The following ORC6 variants were observed in gnomAD, a reference collection of about 807,000 sequenced individuals.
The protein encoded by ORC6 is origin recognition complex, subunit 6 homolog-like (yeast).
Under a neutral mutation model 30.0 loss-of-function variants are expected in ORC6, and 31 were observed. That is an observed-to-expected ratio of 1.03 (90% CI 0.78 to 1.40). The LOEUF (loss-of-function observed/expected upper bound fraction) is 1.40. ORC6 is among the 40% of genes most tolerant of loss of function. The probability of loss-of-function intolerance (pLI) is 0.00; values close to 1 mark genes in which losing one functional copy is unlikely to be tolerated. For synonymous variants in ORC6, 136 were observed against 111.2 expected (o/e 1.22, Z -1.40); for missense variants, 340 against 304.3 (o/e 1.12, Z -0.87).
chr16:46,693,413 G>A, intron 4 of ORC6: 1 of 572,504 alleles, frequency 1.7e-6, no homozygotes, highest in Non-Finnish European at 3.1e-6. Context: ...GTATATATAT[G>A]CTGGGAATTC....
In ORC6 at chr16:46,691,958, A is replaced by ACACACACACTCTCTCT; in HGVS notation, c.196-423_196-422insACACACACTCTCTCTC. Among the ~76,000 whole-genome samples, 298 of 36,658 alleles carry ACACACACACTCTCTCT rather than the reference A, an allele frequency of 8.1e-3. 9 individuals are homozygous for ACACACACACTCTCTCT. The highest frequency in any genetic ancestry group is 0.02 in the Middle Eastern group (1 of 50). The allele number at this position is 36,658 out of a possible 152,430, so 24.0% of individuals were successfully genotyped here. On this transcript the variant is annotated intron_variant, in intron 2 of 6. Coordinates refer to ENST00000219097, the MANE Select transcript of ORC6 (RefSeq NM_014321.4). Reference sequence around the variant, plus strand: ...CACACACACACACACACACACACACACTCTCTCTCTCTCTCTCTCTCTCAC... The same window carrying ACACACACACTCTCTCT: ...CACACACACACACACACACACACACACACACACACTCTCTCTCTCTCTCTCTCTCTCTCTCTCTCAC...
intron 2 of ORC6, among the ~76,000 whole-genome samples, chr16:46,691,660 T>C (rs980423490): frequency 6.6e-6 from 1 of 152,232 alleles, no homozygotes; most frequent in Non-Finnish European, 1.5e-5. Context: ...CAAAGCTTTG[T>C]TGATGACCAT....
intron 5 of ORC6, 41 bp downstream of exon 5, chr16:46,695,715 T>C: frequency 7.6e-7 from 1 of 1,311,338 alleles, no homozygotes; most frequent in Non-Finnish European, 1.1e-6. Flanking sequence ...TTTGAAAATG[T>C]AGTCCTTTTG....
rs1966430316 is a variant in ORC6, at chr16:46,691,005, A to G, written c.80A>G (p.Tyr27Cys). 3.1e-6 allele frequency: 5 copies of G among 1,614,126 alleles called. No individual in the cohort carries two copies. Among genetic ancestry groups the G allele is most frequent in the Non-Finnish European group, 4.2e-6 (5 of 1,180,046 alleles). ...CTTTTAACCAGGAAAGCAGAGGAGTACTTGCGCCTGTCCCGGGTGAAGTGT... is the reference window on the plus strand; with the variant it reads ...CTTTTAACCAGGAAAGCAGAGGAGTGCTTGCGCCTGTCCCGGGTGAAGTGT... The part of the protein sequence containing the change: ...EPDMLRKAEE[Y>C]LRLSRVKCVG... Residue 27 changes from tyrosine to cysteine, a missense_variant, in exon 2 of 7, where the codon TAC becomes TGC. Tyr to Cys is a radical substitution (Grantham distance 194). Transcript: ENST00000219097.
chr16:46,690,984 T>A lies in ORC6; in HGVS notation c.66-7T>A. Reference sequence around the variant, plus strand: ...AGTTGTAGCGAACACACTGCCCTTTTAACCAGGAAAGCAGAGGAGTACTTG... The same window carrying A: ...AGTTGTAGCGAACACACTGCCCTTTAAACCAGGAAAGCAGAGGAGTACTTG... On this transcript the variant is annotated splice_polypyrimidine_tract_variant and splice_region_variant and intron_variant, in intron 1 of 6. Coordinates refer to ENST00000219097, the MANE Select transcript of ORC6 (RefSeq NM_014321.4). 6.2e-7 allele frequency: 1 copy of A among 1,614,166 alleles called. No homozygotes were observed. The highest frequency in any genetic ancestry group is 8.5e-7 in the Non-Finnish European group (1 of 1,179,996).
At chr16:46,695,719 C>G in intron 5 of ORC6, 45 bp downstream of exon 5, 1 of 1,285,584 alleles carries the variant, frequency 7.8e-7, no homozygotes, top group Non-Finnish European at 1.1e-6. Flanking sequence ...AAAATGTAGT[C>G]CTTTTGCTTG....
At chr16:46,691,958 A>ACACACTCTCTCTCTCTCTCTCTCT in intron 2 of ORC6, among the ~76,000 whole-genome samples, 139 of 36,658 alleles carry the variant, frequency 3.8e-3, no homozygotes, top group Non-Finnish European at 5.7e-3. Context: ...ACACACACAC[A>ACACACTCTCTCTCTCTCTCTCTCT]CTCTCTCTCT....
At position 46,697,913 on chromosome 16, in the gene ORC6, G is replaced by A. The variant is rs749073106; in HGVS notation, c.*328G>A. 2.6e-5 allele frequency: 12 copies of A among 461,202 alleles called. No individual in the cohort carries two copies. Among genetic ancestry groups the A allele is most frequent in the Middle Eastern group, 6.7e-4 (1 of 1,492 alleles). The allele number at this position is 461,202 out of a possible 1,614,324, so 28.6% of individuals were successfully genotyped here. A position where few individuals can be genotyped will look rare whatever the true frequency, so the allele number is the denominator to read the frequency against. ...GTGGATCACCTGAGGTCAGGAGCTC[G>A]AGACCAGCCTGGCCAACATGGTGAA... On this transcript the variant is annotated 3_prime_UTR_variant, in exon 7 of 7. Coordinates refer to ENST00000219097, the MANE Select transcript of ORC6 (RefSeq NM_014321.4).
rs753814918 is a variant in ORC6 at position 46,695,686 on chromosome 16, G to A, written c.562+12G>A. The stretch of plus-strand genomic sequence containing the variant: ...ACAGCAGGTCGACAGTAAGTATTCT[G>A]TAGTTCAAGAATGCGTCATTTGAAA... On this transcript the variant is annotated intron_variant, in intron 5 of 6. Coordinates refer to ENST00000219097, the MANE Select transcript of ORC6 (RefSeq NM_014321.4). 1 of 1,499,964 alleles carries A rather than the reference G, an allele frequency of 6.7e-7. No individual in the cohort carries two copies. Among genetic ancestry groups the A allele is most frequent in the Non-Finnish European group, 9.3e-7 (1 of 1,075,816 alleles). 92.9% of individuals were successfully genotyped at this position (1,499,964 alleles called of 1,614,324 possible). A position where few individuals can be genotyped will look rare whatever the true frequency, so the allele number is the denominator to read the frequency against.
At chr16:46,690,849 A>T in intron 1 of ORC6, 142 bp from the exon 2 acceptor site, 1 of 799,756 alleles carries the variant, frequency 1.3e-6, no homozygotes, top group Non-Finnish European at 2.2e-6. Flanking sequence ...ACCAGAGGAT[A>T]TGACCTTCAT....
chr16:46,693,063 CAG>C (rs1321056804), intron 3 of ORC6, 28 bp from the exon 4 acceptor site: 2 of 1,376,926 alleles, frequency 1.5e-6, no homozygotes, highest in Non-Finnish European at 2.1e-6. Context: ...TATTTTCTAA[CAG>C]ATAATTCTGC....
At position 46,697,518 on chromosome 16, in the gene ORC6, A is replaced by G; in HGVS notation, c.692A>G (p.Asp231Gly). The G allele has an allele frequency of 1.2e-6, 2 of 1,613,630 alleles. No individual in the cohort carries two copies. Among genetic ancestry groups the G allele is most frequent in the South Asian group, 1.1e-5 (1 of 91,072 alleles). Reference protein sequence around the residue: ...KPQKDEDLTQDYEEWKRKILE... With the variant: ...KPQKDEDLTQGYEEWKRKILE... ...CAGAAAGATGAAGATCTGACACAGG[A>G]TTATGAAGAATGGAAAAGAAAAATT... Residue 231 changes from aspartate to glycine, a missense_variant, in exon 7 of 7, where the codon GAT becomes GGT. Asp to Gly is a moderately conservative substitution (Grantham distance 94, BLOSUM62 -1). Transcript: ENST00000219097.
chr16:46,693,357 C>T (rs1012452013), intron 4 of ORC6, 175 bp downstream of exon 4: 6 of 621,140 alleles, frequency 9.7e-6, no homozygotes, highest in Middle Eastern at 4.0e-4. Context: ...ATGTAGCTAA[C>T]AACTTGGAAC....
intron 5 of ORC6, 147 bp downstream of exon 5, chr16:46,695,821 C>T (rs1443705496): frequency 1.3e-6 from 1 of 753,780 alleles, no homozygotes; most frequent in Non-Finnish European, 2.4e-6. Context: ...ATGTTTCTAA[C>T]CTATGATTCC....
rs11379295 is a variant in ORC6 at position 46,692,889 on chromosome 16, T to TG, written c.360-197dup. On this transcript the variant is annotated intron_variant, in intron 3 of 6. Coordinates refer to ENST00000219097, the MANE Select transcript of ORC6 (RefSeq NM_014321.4). ...TCTTGGGGCGGGGCGGCGGTGGCGG[T>TG]GGGGGGGACCAGAAAATTTATACTG... Among the ~76,000 whole-genome samples, 148,970 of 151,572 alleles carry TG rather than the reference T, an allele frequency of 0.98. 73,235 individuals carry two copies. The highest frequency in any genetic ancestry group is 1 in the Non-Finnish European group (67,852 of 67,932).
chr16:46,693,403 GTATA>G, intron 4 of ORC6: 1 of 585,276 alleles, frequency 1.7e-6, no homozygotes, highest in Non-Finnish European at 3.0e-6. Flanking sequence ...AATAGCAGCT[GTATA>G]TATATGCTGG....
At position 46,689,683 on chromosome 16, in the gene ORC6, T is replaced by G. The variant is rs767066567; in HGVS notation, c.-23T>G. ...CGTTGACCCGCGGCGTTCACGGGAA[T>G]TGTTCGCTTTAGTGCCGGCGCCATG... On this transcript the variant is annotated 5_prime_UTR_variant, in exon 1 of 7. Coordinates refer to ENST00000219097, the MANE Select transcript of ORC6 (RefSeq NM_014321.4). The G allele has an allele frequency of 3.8e-6, 6 of 1,594,478 alleles. No individual in the cohort carries two copies. Among genetic ancestry groups the G allele is most frequent in the Admixed American group, 1.7e-5 (1 of 57,464 alleles).
chr16:46,691,297 G>C (rs1360182012), intron 2 of ORC6, among the ~76,000 whole-genome samples, 177 bp downstream of exon 2: 1 of 152,206 alleles, frequency 6.6e-6, no homozygotes, highest in Non-Finnish European at 1.5e-5. Flanking sequence ...TTTTTGCCAT[G>C]TTTTCTTTAC....
At chr16:46,695,847 GA>G in intron 5 of ORC6, 169 bp from the exon 6 acceptor site, 2 of 752,160 alleles carry the variant, frequency 2.7e-6, no homozygotes, top group Non-Finnish European at 4.7e-6. Flanking sequence ...TCTATGCCTG[GA>G]AAATGATTCT....
Sources: allele counts gnomAD v4.1 joint callset (sites outside exome capture counted in the v4.1 genomes callset), GRCh38; gene constraint gnomAD v4.1.1; transcripts MANE v1.5; gene names NCBI Gene and HGNC (gene_info 2026-07-23, HGNC 2026-07-21).